ADAM18: variants seen among roughly 807,000 people sequenced by gnomAD.
The protein encoded by ADAM18 is ADAM metallopeptidase domain 18.
ADAM18 carries 117 observed loss-of-function variants against 94.4 expected under a neutral mutation model. The observed-to-expected ratio is 1.24, with a 90% confidence interval of 1.07 to 1.45. The LOEUF (loss-of-function observed/expected upper bound fraction) is 1.45, where lower values mean the gene tolerates loss of function less well. Among genes scored for constraint, ADAM18 ranks in the 40% most tolerant of loss-of-function variants. The pLI is 0.00. For missense variants in ADAM18, 936 were observed against 880.0 expected (o/e 1.06, Z -0.81); for synonymous variants, 327 against 291.6 (o/e 1.12, Z -1.24).
At chr8:39,716,966 A>G (rs990300756) in intron 18 of ADAM18, among the ~76,000 whole-genome samples, 1 of 151,756 alleles carries the variant, frequency 6.6e-6, no homozygotes, top group Admixed American at 6.6e-5. Context: ...ACACTTTTTG[A>G]CAGTCTATTT....
At chr8:39,708,878 G>A (rs1458564548) in intron 18 of ADAM18, among the ~76,000 whole-genome samples, 3 of 152,254 alleles carry the variant, frequency 2.0e-5, no homozygotes, top group East Asian at 3.8e-4. Flanking sequence ...ATTGGCAGGA[G>A]CAAACACAGT....
At chr8:39,597,033 G>A (rs1326204792) in intron 2 of ADAM18, among the ~76,000 whole-genome samples, 5 of 152,064 alleles carry the variant, frequency 3.3e-5, no homozygotes, top group Non-Finnish European at 5.9e-5. Flanking sequence ...TGACTATCAG[G>A]TCTCATGTTT....
intron 2 of ADAM18, among the ~76,000 whole-genome samples, chr8:39,592,936 T>A (rs1014231919): frequency 3.3e-5 from 5 of 152,224 alleles, no homozygotes; most frequent in African/African-American, 1.2e-4. Flanking sequence ...TTATCTACAC[T>A]GAAAATCTGT....
chr8:39,710,036 T>C (rs1450594338), intron 18 of ADAM18, among the ~76,000 whole-genome samples: 3 of 152,204 alleles, frequency 2.0e-5, no homozygotes, highest in Non-Finnish European at 2.9e-5. Flanking sequence ...TATCAGGGAA[T>C]GGTCATACTT....
In ADAM18 at chr8:39,609,111, A is replaced by G. The variant is rs1379905520; in HGVS notation, c.258A>G (p.Pro86=). 3.2e-6 allele frequency: 5 copies of G among 1,578,388 alleles called. No individual in the cohort carries two copies. The highest frequency in any genetic ancestry group is 1.2e-5 in the South Asian group (1 of 86,002). ...CTGGATCTTTGCATTCTGTGTCTCCATATTTTATGGTAAAGTAAGATACCT... is the reference window on the plus strand; with the variant it reads ...CTGGATCTTTGCATTCTGTGTCTCCGTATTTTATGGTAAAGTAAGATACCT... ...NETGSLHSVS[P]YFMMHCHYQG... Residue 86 remains proline (P), a synonymous_variant, in exon 4 of 20, where the codon CCA becomes CCG. Transcript: ENST00000265707.
chr8:39,713,956 T>A (rs956954156), intron 18 of ADAM18, among the ~76,000 whole-genome samples: 7 of 152,094 alleles, frequency 4.6e-5, no homozygotes, highest in Non-Finnish European at 7.4e-5. Context: ...ACCCAAAGGA[T>A]TATAAATCAT....
chr8:39,694,336 TTACTC>T (rs1436461981), intron 17 of ADAM18, among the ~76,000 whole-genome samples: 9 of 151,418 alleles, frequency 5.9e-5, no homozygotes, highest in East Asian at 1.9e-4. Context: ...TCTATTGACT[TTACTC>T]TATGATTTTC....
intron 2 of ADAM18, among the ~76,000 whole-genome samples, chr8:39,593,670 G>GT (rs1818646103): frequency 6.6e-6 from 1 of 152,122 alleles, no homozygotes; most frequent in Non-Finnish European, 1.5e-5. Context: ...ACTATCTTCT[G>GT]TCAGGTTTTG....
chr8:39,589,604 A>G (rs1818510795), intron 2 of ADAM18, among the ~76,000 whole-genome samples: 1 of 151,900 alleles, frequency 6.6e-6, no homozygotes, highest in African/African-American at 2.4e-5. Flanking sequence ...GATTGTGTAC[A>G]CACATGAAGA....
intron 19 of ADAM18, among the ~76,000 whole-genome samples, chr8:39,729,390 T>G (rs1251688036): frequency 6.6e-6 from 1 of 152,164 alleles, no homozygotes; most frequent in African/African-American, 2.4e-5. Flanking sequence ...AAAATTAAAG[T>G]CAGCAACCTG....
At chr8:39,654,527 G>A (rs898822734) in intron 12 of ADAM18, among the ~76,000 whole-genome samples, 2 of 152,130 alleles carry the variant, frequency 1.3e-5, no homozygotes, top group Non-Finnish European at 2.9e-5. Flanking sequence ...TATCTTTTGA[G>A]TATACTAATT....
chr8:39,599,724 A>G (rs1287701665), intron 2 of ADAM18, among the ~76,000 whole-genome samples: 1 of 152,034 alleles, frequency 6.6e-6, no homozygotes, highest in Non-Finnish European at 1.5e-5. Flanking sequence ...CTTATTATCC[A>G]TTGTTGTTAT....
chr8:39,691,596 A>G (rs753686451), intron 16 of ADAM18, among the ~76,000 whole-genome samples: 2 of 152,096 alleles, frequency 1.3e-5, no homozygotes, highest in Non-Finnish European at 2.9e-5. Context: ...TCATTAATGG[A>G]TGAATGGATA....
At chr8:39,682,288 T>C (rs1043266079) in intron 16 of ADAM18, among the ~76,000 whole-genome samples, 1 of 152,216 alleles carries the variant, frequency 6.6e-6, no homozygotes, top group Non-Finnish European at 1.5e-5. Flanking sequence ...CAAAGATATT[T>C]GTGAGCATGT....
intron 11 of ADAM18, among the ~76,000 whole-genome samples, chr8:39,647,259 A>G (rs1373102161): frequency 6.6e-6 from 1 of 150,676 alleles, no homozygotes; most frequent in Non-Finnish European, 1.5e-5. Flanking sequence ...AAATCTGAGC[A>G]AAAGAATCTA....
At chr8:39,702,202 C>T (rs1299682809) in intron 17 of ADAM18, among the ~76,000 whole-genome samples, 3 of 152,272 alleles carry the variant, frequency 2.0e-5, no homozygotes, top group Admixed American at 1.3e-4. Flanking sequence ...GAAATGGTAT[C>T]TCATTGTGGT....
At chr8:39,704,163 C>T (rs1232787573) in intron 17 of ADAM18, among the ~76,000 whole-genome samples, 2 of 152,102 alleles carry the variant, frequency 1.3e-5, no homozygotes, top group Non-Finnish European at 2.9e-5. Flanking sequence ...ACTACTGAAA[C>T]TATTCCATAA....
At chr8:39,712,346 G>A (rs1186421211) in intron 18 of ADAM18, among the ~76,000 whole-genome samples, 2 of 152,078 alleles carry the variant, frequency 1.3e-5, no homozygotes, top group East Asian at 3.9e-4. Context: ...ATACCAAATG[G>A]GCAAAAACTG....
intron 7 of ADAM18, among the ~76,000 whole-genome samples, chr8:39,631,081 G>T (rs536411578): frequency 6.6e-6 from 1 of 151,566 alleles, no homozygotes; most frequent in Non-Finnish European, 1.5e-5. Context: ...TATTTTGTGG[G>T]GATTCCTTAT....
Sources: gnomAD v4.1 joint callset for allele counts (sites outside exome capture counted in the v4.1 genomes callset) on GRCh38, gnomAD v4.1.1 for gene constraint, MANE v1.5 for transcripts, NCBI Gene and HGNC (gene_info 2026-07-23, HGNC 2026-07-21) for gene names.